The following ECPAS variants were observed in gnomAD, a reference collection of about 807,000 sequenced individuals.
The protein encoded by ECPAS is proteasome adapter and scaffold protein ECM29.
ECPAS carries 70 observed loss-of-function variants against 255.1 expected under a neutral mutation model. The observed-to-expected ratio is 0.27, with a 90% CI of 0.23 to 0.33. The LOEUF (loss-of-function observed/expected upper bound fraction) is 0.33. Ranked by LOEUF, ECPAS falls within the 10% of genes least tolerant of loss-of-function variation. ECPAS has a pLI of 1.00. For synonymous variants in ECPAS, 784 were observed against 775.0 expected (o/e 1.01, Z -0.19); for missense variants, 1,817 against 2,206.4 (o/e 0.82, Z 3.54).
chr9:111,394,325 A>G lies in ECPAS; in HGVS notation c.2777-20T>C, dbSNP rs766303558. 3.3e-6 allele frequency: 5 copies of G among 1,499,160 alleles called. No homozygotes were observed. The South Asian group carries it at 6.9e-5, about 21-fold the overall frequency. The allele number at this position is 1,499,160 out of a possible 1,614,324, so 92.9% of individuals were successfully genotyped here. On this transcript the variant is annotated intron_variant, in intron 25 of 49. Coordinates refer to ENST00000684092, the MANE Select transcript of ECPAS (RefSeq NM_001364929.1). ...TGGCTCCTGGGGAAAAGCAAAGAAAAATAACAAAGAATTAAAATAACTCAA... is the reference window on the plus strand; with the variant it reads ...TGGCTCCTGGGGAAAAGCAAAGAAAGATAACAAAGAATTAAAATAACTCAA...
In ECPAS at chr9:111,390,060, C is replaced by T. The variant is rs1450523027; in HGVS notation, c.3203G>A (p.Ser1068Asn). The T allele has an allele frequency of 1.3e-6, 2 of 1,598,406 alleles. No individual in the cohort carries two copies. The highest frequency in any genetic ancestry group is 2.2e-5 in the South Asian group (2 of 89,262). The change falls in exon 30 of 50, where the codon AGT (serine) becomes AAT (asparagine). Residue 1068 changes from serine to asparagine, a missense_variant. Ser to Asn is a conservative substitution (Grantham distance 46). Transcript: ENST00000684092. ...CACCAGATCTGGCTGGCTAAGATCA[C>T]TTGCCAGAGAACAAAGTTCCTTGTA... is the stretch of plus-strand genomic sequence containing the variant. ...STYKELCSLASDLSQPDLVYK... is the reference protein window; with the variant it reads ...STYKELCSLANDLSQPDLVYK...
At chr9:111,376,629 G>A (rs2131534628) in intron 36 of ECPAS, 88 bp from the exon 37 acceptor site, 1 of 946,916 alleles carries the variant, frequency 1.1e-6, no homozygotes, top group Non-Finnish European at 1.6e-6. Flanking sequence ...TCACTTCCAA[G>A]CTAAAGAACT....
chr9:111,383,403 A>C, intron 34 of ECPAS, 71 bp from the exon 35 acceptor site: 1 of 1,518,998 alleles, frequency 6.6e-7, no homozygotes, highest in Non-Finnish European at 8.9e-7. Context: ...CTGACAAAAG[A>C]CTTTCTACTT....
At chr9:111,420,488 A>G (rs886872408) in intron 15 of ECPAS, among the ~76,000 whole-genome samples, 1 of 151,902 alleles carries the variant, frequency 6.6e-6, no homozygotes, top group Non-Finnish European at 1.5e-5. Context: ...CGCCACCCCA[A>G]CTCTCAAACT....
At chr9:111,453,236 G>C (rs1171559106) in intron 2 of ECPAS, among the ~76,000 whole-genome samples, 1 of 152,104 alleles carries the variant, frequency 6.6e-6, no homozygotes, top group African/African-American at 2.4e-5. Context: ...GACACAGTAA[G>C]ACCCTGTCTC....
At chr9:111,386,478 A>G (rs749529791) in intron 31 of ECPAS, 22 bp from the exon 32 acceptor site, 21 of 1,407,524 alleles carry the variant, frequency 1.5e-5, no homozygotes, top group Non-Finnish European at 2.0e-5. Context: ...AAAAGGATAA[A>G]ATTTAAAATG....
chr9:111,370,858 A>G (rs1258261505), intron 43 of ECPAS, 93 bp from the exon 44 acceptor site: 1 of 1,211,570 alleles, frequency 8.3e-7, no homozygotes, highest in Non-Finnish European at 1.2e-6. Context: ...GGAATTTTTG[A>G]TAACTATGAC....
chr9:111,413,228 T>A (rs2098197547), intron 20 of ECPAS, among the ~76,000 whole-genome samples: 1 of 152,224 alleles, frequency 6.6e-6, no homozygotes, highest in East Asian at 1.9e-4. Context: ...GATAGATTAT[T>A]CATTGCAGCA....
intron 25 of ECPAS, among the ~76,000 whole-genome samples, chr9:111,396,300 C>T (rs983772214): frequency 6.6e-6 from 1 of 151,932 alleles, no homozygotes; most frequent in African/African-American, 2.4e-5. Flanking sequence ...AGTCAGAAAC[C>T]ACATGTTCCC....
At chr9:111,446,021 G>T (rs960945262) in intron 3 of ECPAS, among the ~76,000 whole-genome samples, 1 of 152,126 alleles carries the variant, frequency 6.6e-6, no homozygotes, top group South Asian at 2.1e-4. Flanking sequence ...CCTTTTTTAT[G>T]GCTGCATAGT....
intron 36 of ECPAS, 142 bp from the exon 37 acceptor site, chr9:111,376,683 G>C (rs1185197423): frequency 4.6e-6 from 3 of 652,906 alleles, no homozygotes; most frequent in African/African-American, 3.7e-5. Flanking sequence ...CAAACATCAA[G>C]TCTAACTCTA....
At chr9:111,417,740 C>A (rs2098206300) in intron 17 of ECPAS, 143 bp downstream of exon 17, 1 of 816,388 alleles carries the variant, frequency 1.2e-6, no homozygotes, top group Non-Finnish European at 1.8e-6. Context: ...GAGCGAAGCT[C>A]CATCTCAAAA....
chr9:111,431,000 G>A (rs2098229067), intron 8 of ECPAS, among the ~76,000 whole-genome samples: 1 of 152,120 alleles, frequency 6.6e-6, no homozygotes, highest in African/African-American at 2.4e-5. Context: ...CCTGGGGCAG[G>A]GTAGGATTCG....
chr9:111,447,732 A>G (rs1034060775), intron 3 of ECPAS, among the ~76,000 whole-genome samples: 3 of 151,884 alleles, frequency 2.0e-5, no homozygotes, highest in Non-Finnish European at 4.4e-5. Context: ...CTATTTTATT[A>G]GTATAAATTA....
intron 28 of ECPAS, 29 bp from the exon 29 acceptor site, chr9:111,391,853 T>G (rs1356619552): frequency 7.1e-7 from 1 of 1,409,444 alleles, no homozygotes; most frequent in Non-Finnish European, 9.9e-7. Context: ...TTCAATAAGC[T>G]TCAAGCTTTT....
At chr9:111,375,280 G>A (rs1193491312) in intron 37 of ECPAS, 78 bp from the exon 38 acceptor site, 2 of 982,046 alleles carry the variant, frequency 2.0e-6, no homozygotes, top group Non-Finnish European at 3.2e-6. Flanking sequence ...AACTGCCCTT[G>A]TCAAACGTGT....
chr9:111,405,970 C>G (rs2098183362), intron 24 of ECPAS, among the ~76,000 whole-genome samples: 1 of 149,612 alleles, frequency 6.7e-6, no homozygotes, highest in Non-Finnish European at 1.5e-5. Flanking sequence ...CCTCAAAAAA[C>G]TAAAAATAGA....
At chr9:111,369,872 C>T (rs1023609441) in intron 45 of ECPAS, among the ~76,000 whole-genome samples, 3 of 152,132 alleles carry the variant, frequency 2.0e-5, no homozygotes, top group Admixed American at 1.3e-4. Flanking sequence ...AGCTTCTTGC[C>T]TTTACTCTAG....
intron 1 of ECPAS, among the ~76,000 whole-genome samples, chr9:111,482,682 T>TG (rs1023380188): frequency 6.6e-6 from 1 of 151,528 alleles, no homozygotes. Context: ...AGAAAACCCT[T>TG]GGGGGGGAGA....
Sources: allele counts gnomAD v4.1 joint callset (sites outside exome capture counted in the v4.1 genomes callset), GRCh38; gene constraint gnomAD v4.1.1; transcripts MANE v1.5; gene names NCBI Gene and HGNC (gene_info 2026-07-23, HGNC 2026-07-21).